Variants in MACROD1 observed in about 807,000 individuals in gnomAD.
The protein encoded by MACROD1 is mono-ADP ribosylhydrolase 1.
MACROD1 carries 31 observed loss-of-function variants against 41.4 expected under a neutral mutation model. That is an observed-to-expected ratio of 0.75 (90% CI 0.56 to 1.01). The LOEUF (loss-of-function observed/expected upper bound fraction) is 1.01, where lower values mean the gene tolerates loss of function less well. Among genes scored for constraint, MACROD1 ranks in the 50% least tolerant of loss-of-function variants. The pLI, the probability that MACROD1 is intolerant of heterozygous loss-of-function variation, is 0.00. For missense variants in MACROD1, 473 were observed against 460.0 expected, an observed-to-expected ratio of 1.03 and a Z score of -0.26; for synonymous variants, 252 against 203.4, an observed-to-expected ratio of 1.24 and a Z score of -2.03.
At chr11:64,058,953 AG>A (rs1344862674) in intron 3 of MACROD1, among the ~76,000 whole-genome samples, 1 of 152,108 alleles carries the variant, frequency 6.6e-6, no homozygotes, top group East Asian at 1.9e-4. Context: ...CTACCGTGGG[AG>A]GGCTCCATTT....
intron 3 of MACROD1, among the ~76,000 whole-genome samples, chr11:64,030,181 C>G (rs1271389742): frequency 6.6e-6 from 1 of 151,870 alleles, no homozygotes; most frequent in East Asian, 1.9e-4. Context: ...CATCACCCCC[C>G]AAACTCACAC....
chr11:64,030,262 C>G (rs987782917), intron 3 of MACROD1, among the ~76,000 whole-genome samples: 1 of 152,120 alleles, frequency 6.6e-6, no homozygotes. Context: ...CCATCATCTC[C>G]GGGCAATTCC....
At chr11:64,023,051 G>A (rs1943179003) in intron 3 of MACROD1, among the ~76,000 whole-genome samples, 1 of 151,906 alleles carries the variant, frequency 6.6e-6, no homozygotes, top group South Asian at 2.1e-4. Flanking sequence ...TAGTACAATT[G>A]GGGTTTCACC....
chr11:64,165,825 G>A lies in MACROD1; in HGVS notation c.170C>T (p.Thr57Ile). The A allele has an allele frequency of 6.8e-7, 1 of 1,480,774 alleles. No homozygotes were observed. The highest frequency in any genetic ancestry group is 9.0e-7 in the Non-Finnish European group (1 of 1,117,230). 91.7% of individuals were successfully genotyped at this position (1,480,774 alleles called of 1,614,324 possible). ...CCCCCACGCCCCAACTCCCGCCGAG[G>A]TCCGCGCACGGCGGCCGAACACGCC... ...FLGVFGRRAR[T>I]SAGVGAWGAA... is the part of the protein sequence containing the mutation. Residue 57 changes from threonine to isoleucine, a missense_variant, in exon 1 of 11, where the codon ACC becomes ATC. Physicochemically the swap from Thr to Ile is moderately conservative, Grantham distance 89. Transcript: ENST00000255681.
chr11:64,080,500 G>T (rs1590879034), intron 3 of MACROD1, among the ~76,000 whole-genome samples: 1 of 152,110 alleles, frequency 6.6e-6, no homozygotes, highest in Admixed American at 6.5e-5. Context: ...GAAGCCTCAG[G>T]TTTATCATTT....
intron 3 of MACROD1, among the ~76,000 whole-genome samples, chr11:64,024,014 C>G (rs769784366): frequency 7.2e-5 from 11 of 152,088 alleles, no homozygotes; most frequent in Non-Finnish European, 1.2e-4. Context: ...CAAGCTGTCC[C>G]CTAAACCCCT....
Position 64,165,776 on chromosome 11 carries a change from G to A in MACROD1, c.219C>T (p.Ala73=). ...CCAGGGGGGCCCAAGTGCGCACCCC[G>A]GCTGTCCGCCCCACCGCCGCCGCCC... ...AWGAAAVGRT[A]GVRTWAPLAM... Residue 73 remains alanine, a synonymous_variant, in exon 1 of 11, where the codon GCC becomes GCT. Coordinates refer to ENST00000255681, the MANE Select transcript of MACROD1 (RefSeq NM_014067.4). The A allele has an allele frequency of 2.0e-6, 3 of 1,496,982 alleles. No homozygotes were observed. The highest frequency in any genetic ancestry group is 2.5e-5 in the Admixed American group (1 of 40,576). 92.7% of individuals were successfully genotyped at this position (1,496,982 alleles called of 1,614,324 possible).
At chr11:64,119,974 A>G (rs1462256470) in intron 3 of MACROD1, among the ~76,000 whole-genome samples, 24 of 152,190 alleles carry the variant, frequency 1.6e-4, no homozygotes, top group Admixed American at 1.6e-3. Flanking sequence ...GCGCCAAGGA[A>G]AAGGAACGTC....
chr11:64,031,774 G>A (rs1036178095), intron 3 of MACROD1, among the ~76,000 whole-genome samples: 4 of 152,182 alleles, frequency 2.6e-5, no homozygotes, highest in African/African-American at 7.2e-5. Flanking sequence ...TACTGCACCC[G>A]GCCACTGCTG....
chr11:64,160,193 G>A (rs1945732961), intron 1 of MACROD1, among the ~76,000 whole-genome samples: 2 of 152,148 alleles, frequency 1.3e-5, no homozygotes, highest in Admixed American at 1.3e-4. Flanking sequence ...CCAGGGCAAG[G>A]CTTCCAAAAT....
chr11:64,118,255 A>G (rs756470729), intron 3 of MACROD1: 2 of 1,599,162 alleles, frequency 1.3e-6, no homozygotes, highest in African/African-American at 2.7e-5. Flanking sequence ...GGCTACCGGG[A>G]CGGCGGCATC....
chr11:64,093,343 G>A (rs982563154), intron 3 of MACROD1, among the ~76,000 whole-genome samples: 11 of 152,202 alleles, frequency 7.2e-5, no homozygotes, highest in Non-Finnish European at 1.5e-4. Context: ...GTCCTTACCC[G>A]TAAGAGCTCA....
intron 3 of MACROD1, among the ~76,000 whole-genome samples, chr11:64,047,593 T>C (rs140241880): frequency 0.01 from 1,558 of 152,056 alleles, 15 homozygotes; most frequent in South Asian, 0.029. Context: ...ATGAGGAAAC[T>C]GAGGTTAATA....
chr11:64,020,418 G>C (rs948006720), intron 3 of MACROD1, among the ~76,000 whole-genome samples: 3 of 152,084 alleles, frequency 2.0e-5, no homozygotes, highest in African/African-American at 4.8e-5. Flanking sequence ...GAACCCTGGG[G>C]GACTTGGGAG....
At position 64,096,443 on chromosome 11, in the gene MACROD1, C is replaced by T. The variant is rs576208928; in HGVS notation, c.517+54796G>A. Among the ~76,000 whole-genome samples the T allele has an allele frequency of 2.0e-5, 3 of 151,640 alleles. No homozygotes were observed. The highest frequency in any genetic ancestry group is 1.9e-4 in the East Asian group (1 of 5,162). ...CTTTTTTTTTTTTGAGACTGAGTCT[C>T]GCTGTGCTGCCCAGGATGATGAAGT... On this transcript the variant is annotated intron_variant, in intron 3 of 10. Transcript: ENST00000255681. The surrounding 1 kb of genome is among the most constrained non-coding windows in gnomAD (Gnocchi z 4.6).
Position 64,166,037 on chromosome 11 carries a change from T to C in MACROD1, c.-43A>G. On this transcript the variant is annotated 5_prime_UTR_variant, in exon 1 of 11. Transcript: ENST00000255681. ...CGGCTCTCCGCCCACTTGGACTCTATTTACGGCGCTCGGGAGTGTCTCTCC... is the reference window on the plus strand; with the variant it reads ...CGGCTCTCCGCCCACTTGGACTCTACTTACGGCGCTCGGGAGTGTCTCTCC... 1 of 1,245,720 alleles carries C rather than the reference T, an allele frequency of 8.0e-7. No individual in the cohort carries two copies. Among genetic ancestry groups the C allele is most frequent in the Non-Finnish European group, 1.0e-6 (1 of 997,070 alleles). 77.2% of individuals were successfully genotyped at this position (1,245,720 alleles called of 1,614,324 possible).
intron 1 of MACROD1, among the ~76,000 whole-genome samples, chr11:64,159,392 A>C (rs1292030749): frequency 6.6e-6 from 1 of 151,598 alleles, no homozygotes; most frequent in East Asian, 1.9e-4. Flanking sequence ...GCTACTCAAG[A>C]GGCTGAGGTG....
intron 4 of MACROD1, chr11:64,001,277 C>T (rs1942821374): frequency 4.8e-6 from 3 of 619,120 alleles, no homozygotes; most frequent in East Asian, 2.7e-5. Context: ...GGCGTCCACC[C>T]TCTTATCTGG....
At chr11:64,106,867 C>T (rs969964548) in intron 3 of MACROD1, among the ~76,000 whole-genome samples, 1 of 152,110 alleles carries the variant, frequency 6.6e-6, no homozygotes, top group Non-Finnish European at 1.5e-5. Context: ...TTCCACTGGG[C>T]TTTCTTTTAT....
Sources: gnomAD v4.1 joint callset for allele counts (sites outside exome capture counted in the v4.1 genomes callset) on GRCh38, gnomAD v4.1.1 for gene constraint, Gnocchi (gnomAD v3.1) non-coding constraint, MANE v1.5 for transcripts, NCBI Gene and HGNC (gene_info 2026-07-23, HGNC 2026-07-21) for gene names.